The following THSD7B variants were observed in gnomAD, a reference collection of about 807,000 sequenced individuals.
THSD7B encodes the protein thrombospondin type-1 domain-containing protein 7B.
THSD7B carries 138 observed loss-of-function variants against 213.6 expected under a neutral mutation model. That is an observed-to-expected ratio of 0.65 (90% CI 0.56 to 0.74). The LOEUF (loss-of-function observed/expected upper bound fraction) is 0.74, where lower values mean the gene tolerates loss of function less well. Among genes scored for constraint, THSD7B ranks in the 30% least tolerant of loss-of-function variants. The pLI is 0.00. For synonymous variants in THSD7B, 742 were observed against 687.0 expected (o/e 1.08, Z -1.25); for missense variants, 1,931 against 1,991.5 (o/e 0.97, Z 0.58).
chr2:137,021,867 C>T (rs142574355), intron 2 of THSD7B, among the ~76,000 whole-genome samples: 1 of 152,318 alleles, frequency 6.6e-6, no homozygotes, highest in African/African-American at 2.4e-5. Context: ...TAGTGTCTTT[C>T]ACTGAATGGA....
At chr2:137,581,910 A>G (rs1284240387) in intron 17 of THSD7B, among the ~76,000 whole-genome samples, 1 of 151,786 alleles carries the variant, frequency 6.6e-6, no homozygotes, top group African/African-American at 2.4e-5. Flanking sequence ...CAGCCTGGCC[A>G]ACATAGTAAA....
chr2:137,424,021 C>G (rs183094009), intron 14 of THSD7B, among the ~76,000 whole-genome samples: 1 of 152,034 alleles, frequency 6.6e-6, no homozygotes, highest in Non-Finnish European at 1.5e-5. Flanking sequence ...CATTTATGCT[C>G]AATTGATTTT....
intron 2 of THSD7B, among the ~76,000 whole-genome samples, chr2:136,910,116 C>A (rs1270098055): frequency 2.0e-5 from 3 of 152,044 alleles, no homozygotes; most frequent in African/African-American, 7.2e-5. Flanking sequence ...AAAGAAGAGT[C>A]CAATAGTGTG....
chr2:136,998,923 CA>C (rs1369028540), intron 2 of THSD7B, among the ~76,000 whole-genome samples: 12 of 140,616 alleles, frequency 8.5e-5, no homozygotes, highest in Non-Finnish European at 1.5e-4. Context: ...CACACACACA[CA>C]CACACACACA....
rs940295697 is a variant in THSD7B at position 136,988,170 on chromosome 2, A to G, written c.140-68250A>G. 6.4e-4 allele frequency among the ~76,000 whole-genome samples: 98 copies of G among 152,184 alleles called. 2 individuals carry two copies. Among genetic ancestry groups the G allele is most frequent in the Admixed American group, 2.0e-4 (3 of 15,278 alleles). On this transcript the variant is annotated intron_variant, in intron 2 of 27. Coordinates refer to ENST00000409968, the MANE Select transcript of THSD7B (RefSeq NM_001316349.2). Reference sequence around the variant, plus strand: ...GTTACTTCTTCTCACCTTCAGCCCCAGGCAATCACTAATGTGCTTTAGGTC... The same window carrying G: ...GTTACTTCTTCTCACCTTCAGCCCCGGGCAATCACTAATGTGCTTTAGGTC...
At chr2:137,296,906 C>G (rs772639501) in intron 12 of THSD7B, among the ~76,000 whole-genome samples, 24 of 151,910 alleles carry the variant, frequency 1.6e-4, no homozygotes, top group Non-Finnish European at 2.9e-4. Context: ...AGTCTCTCCT[C>G]AACTGAAAAG....
At chr2:137,504,934 T>G (rs1333209420) in intron 15 of THSD7B, among the ~76,000 whole-genome samples, 1 of 151,576 alleles carries the variant, frequency 6.6e-6, no homozygotes, top group Non-Finnish European at 1.5e-5. Flanking sequence ...TTTGCCATGA[T>G]GCAGGTCTGA....
At chr2:137,004,086 T>C (rs1327163135) in intron 2 of THSD7B, among the ~76,000 whole-genome samples, 1 of 152,166 alleles carries the variant, frequency 6.6e-6, no homozygotes, top group Non-Finnish European at 1.5e-5. Flanking sequence ...TGTGAAAAGA[T>C]AGAAAAAGTA....
At chr2:137,219,889 G>T (rs1038183740) in intron 7 of THSD7B, among the ~76,000 whole-genome samples, 3 of 152,220 alleles carry the variant, frequency 2.0e-5, no homozygotes, top group African/African-American at 4.8e-5. Context: ...CATCATACAG[G>T]TTGACAGGAT....
chr2:137,262,324 A>G (rs1162719636), intron 10 of THSD7B, among the ~76,000 whole-genome samples: 2 of 152,072 alleles, frequency 1.3e-5, no homozygotes, highest in African/African-American at 4.8e-5. Flanking sequence ...ACCTGTCTGT[A>G]TCCCATGCAG....
At chr2:136,844,589 ACTCATGAAAGG>A (rs1354356403) in intron 1 of THSD7B, among the ~76,000 whole-genome samples, 41 of 152,130 alleles carry the variant, frequency 2.7e-4, no homozygotes, top group Non-Finnish European at 4.3e-4. Flanking sequence ...GGAATTGGAA[ACTCATGAAAGG>A]TAATTTGGAG....
chr2:137,040,642 C>G (rs952573634), intron 2 of THSD7B, among the ~76,000 whole-genome samples: 2 of 152,092 alleles, frequency 1.3e-5, no homozygotes, highest in Non-Finnish European at 2.9e-5. Flanking sequence ...ATCCACCCGC[C>G]TTGGCATCCC....
chr2:137,529,841 T>G (rs1284308122), intron 15 of THSD7B, among the ~76,000 whole-genome samples: 1 of 151,980 alleles, frequency 6.6e-6, no homozygotes, highest in African/African-American at 2.4e-5. Context: ...ATGTCAGCAC[T>G]TAGAGAAGTG....
At chr2:136,774,929 G>C (rs1681572979) in intron 1 of THSD7B, among the ~76,000 whole-genome samples, 2 of 152,062 alleles carry the variant, frequency 1.3e-5, no homozygotes, top group Admixed American at 1.3e-4. Context: ...AGATGCATTT[G>C]TTTGTAAGCT....
intron 1 of THSD7B, among the ~76,000 whole-genome samples, chr2:136,766,571 G>C (rs968657233): frequency 1.3e-5 from 2 of 152,184 alleles, no homozygotes; most frequent in African/African-American, 4.8e-5. Context: ...CAGGGGACGA[G>C]GGAATGTTGA....
intron 12 of THSD7B, among the ~76,000 whole-genome samples, chr2:137,319,569 A>G (rs182107079): frequency 2.7e-4 from 41 of 152,290 alleles, no homozygotes; most frequent in Admixed American, 6.5e-4. Flanking sequence ...TATTGTGTGG[A>G]CTACAAAACC....
At chr2:137,287,560 A>C (rs1203313019) in intron 12 of THSD7B, among the ~76,000 whole-genome samples, 3 of 152,176 alleles carry the variant, frequency 2.0e-5, no homozygotes, top group Non-Finnish European at 4.4e-5. Context: ...AATTAAAAAT[A>C]AATATTAAAA....
chr2:136,790,454 A>G (rs1681947351), intron 1 of THSD7B, among the ~76,000 whole-genome samples: 1 of 152,116 alleles, frequency 6.6e-6, no homozygotes, highest in African/African-American at 2.4e-5. Context: ...CTTCTTTATG[A>G]ATGTTTTATC....
intron 1 of THSD7B, among the ~76,000 whole-genome samples, chr2:136,877,965 C>T (rs976352275): frequency 6.6e-6 from 1 of 151,768 alleles, no homozygotes; most frequent in Non-Finnish European, 1.5e-5. Flanking sequence ...TACATGTGCA[C>T]AATGTGCAGG....
Sources: allele counts gnomAD v4.1 joint callset (sites outside exome capture counted in the v4.1 genomes callset), GRCh38; gene constraint gnomAD v4.1.1; transcripts MANE v1.5; gene names NCBI Gene and HGNC (gene_info 2026-07-23, HGNC 2026-07-21).